Variants in HECA observed in about 807,000 individuals in gnomAD.
HECA encodes the protein headcase protein homolog.
In HECA, 13 loss-of-function variants were observed where a neutral mutation model predicts 37.6. The ratio of observed to expected loss-of-function variants is 0.35; its 90% CI spans 0.23 to 0.55. HECA has a LOEUF of 0.55. Among genes scored for constraint, HECA ranks in the 20% least tolerant of loss-of-function variants. The probability of loss-of-function intolerance (pLI) is 0.90; values close to 1 mark genes in which losing one functional copy is unlikely to be tolerated. For synonymous variants in HECA, 307 were observed against 291.5 expected (o/e 1.05, Z -0.54); for missense variants, 527 against 701.9 (o/e 0.75, Z 2.82).
chr6:139,172,977 A>C (rs1463359128), intron 2 of HECA, among the ~76,000 whole-genome samples: 1 of 152,192 alleles, frequency 6.6e-6, no homozygotes, highest in Non-Finnish European at 1.5e-5. Context: ...TTCTGTGTCT[A>C]AGGCTGCCCT....
At chr6:139,167,623 A>G (rs1774910470) in intron 2 of HECA, among the ~76,000 whole-genome samples, 1 of 152,124 alleles carries the variant, frequency 6.6e-6, no homozygotes, top group African/African-American at 2.4e-5. Flanking sequence ...GTTGTTGCAT[A>G]TTTGTCACTT....
At chr6:139,161,142 C>A (rs1774796580) in intron 1 of HECA, among the ~76,000 whole-genome samples, 1 of 152,118 alleles carries the variant, frequency 6.6e-6, no homozygotes, top group South Asian at 2.1e-4. Context: ...GAGGCCAACA[C>A]ACTTCAGCAA....
intron 2 of HECA, among the ~76,000 whole-genome samples, chr6:139,173,792 A>G (rs1010700357): frequency 6.6e-6 from 1 of 152,232 alleles, no homozygotes; most frequent in African/African-American, 2.4e-5. Flanking sequence ...GAATAATAAG[A>G]CATTGAACTT....
intron 1 of HECA, among the ~76,000 whole-genome samples, chr6:139,138,631 T>C (rs1774478656): frequency 6.6e-6 from 1 of 152,206 alleles, no homozygotes; most frequent in African/African-American, 2.4e-5. Context: ...AAATAAATAC[T>C]TATTCTGTAA....
intron 1 of HECA, among the ~76,000 whole-genome samples, chr6:139,156,744 C>T (rs547877027): frequency 6.6e-6 from 1 of 152,320 alleles, no homozygotes; most frequent in South Asian, 2.1e-4. Context: ...AGTGTGCATT[C>T]CGCATACTCT....
chr6:139,174,356 A>G, intron 2 of HECA, 29 bp from the exon 3 acceptor site: 1 of 1,591,018 alleles, frequency 6.3e-7, no homozygotes. Context: ...CATGATGGCC[A>G]CTCAGAGCCT....
rs748644903 is a variant in HECA at position 139,166,796 on chromosome 6, G to A, written c.784G>A (p.Ala262Thr). The A allele has an allele frequency of 5.0e-6, 8 of 1,613,578 alleles. No homozygotes were observed. The highest frequency in any genetic ancestry group is 6.8e-6 in the Non-Finnish European group (8 of 1,179,950). ...EKAVGAAAYGARSPGGSPGQS... is the reference protein window; with the variant it reads ...EKAVGAAAYGTRSPGGSPGQS... ...GGCAGTGGGTGCCGCAGCCTACGGT[G>A]CCCGTTCCCCCGGTGGCTCCCCGGG... The change falls in exon 2 of 4, where the codon GCC (alanine) becomes ACC (threonine). Residue 262 changes from alanine to threonine, a missense_variant. Ala to Thr is a moderately conservative substitution (Grantham distance 58). Transcript: ENST00000367658.
intron 1 of HECA, among the ~76,000 whole-genome samples, chr6:139,149,427 G>A (rs115503519): frequency 1.2e-3 from 181 of 152,280 alleles, no homozygotes; most frequent in African/African-American, 4.1e-3. Context: ...AAAGCAAATC[G>A]TTGTGCCATG....
At chr6:139,147,702 C>T (rs1774602643) in intron 1 of HECA, among the ~76,000 whole-genome samples, 1 of 152,206 alleles carries the variant, frequency 6.6e-6, no homozygotes, top group Admixed American at 6.5e-5. Context: ...GCACTTTACT[C>T]ACACATTGTA....
At position 139,174,446 on chromosome 6, in the gene HECA, C is replaced by G; in HGVS notation, c.1374C>G (p.Ile458Met). The change falls in exon 3 of 4, where the codon ATC becomes ATG. Residue 458 changes from isoleucine (I) to methionine (M), a missense_variant. Physicochemically the swap from Ile to Met is conservative, Grantham distance 10. Coordinates refer to ENST00000367658, the MANE Select transcript of HECA (RefSeq NM_016217.3). ...VDCLEGVHKI[I>M]CIKCKSRWDG... ...GCCTGGAAGGGGTTCACAAGATCATCTGCATCAAGTGTAAGTCACGGTGGG... is the reference window on the plus strand; with the variant it reads ...GCCTGGAAGGGGTTCACAAGATCATGTGCATCAAGTGTAAGTCACGGTGGG... The G allele has an allele frequency of 6.2e-7, 1 of 1,614,008 alleles. No homozygotes were observed. The highest frequency in any genetic ancestry group is 8.5e-7 in the Non-Finnish European group (1 of 1,179,990).
At chr6:139,156,212 T>G (rs1774710293) in intron 1 of HECA, among the ~76,000 whole-genome samples, 1 of 152,152 alleles carries the variant, frequency 6.6e-6, no homozygotes, top group Non-Finnish European at 1.5e-5. Flanking sequence ...TTTTTCTTTT[T>G]TTTTTCTTTG....
chr6:139,163,060 C>T (rs1428415819), intron 1 of HECA, among the ~76,000 whole-genome samples: 2 of 152,190 alleles, frequency 1.3e-5, no homozygotes, highest in East Asian at 1.9e-4. Context: ...AGCTGTTCTC[C>T]GTGAGGAGAC....
chr6:139,166,918 C>G lies in HECA; in HGVS notation c.906C>G (p.Ile302Met). The G allele has an allele frequency of 6.2e-7, 1 of 1,614,110 alleles. No homozygotes were observed. Among genetic ancestry groups the G allele is most frequent in the Non-Finnish European group, 8.5e-7 (1 of 1,180,014 alleles). ...RYLGEFLKNA[I>M]HLEPHKKAMA... is the part of the protein sequence containing the mutation. ...TCGGGGAGTTCTTAAAGAACGCCAT[C>G]CATCTGGAGCCTCACAAGAAGGCCA... Residue 302 changes from isoleucine (I) to methionine (M), a missense_variant, in exon 2 of 4, where the codon ATC (isoleucine) becomes ATG (methionine). Ile to Met is a conservative substitution (Grantham distance 10, BLOSUM62 1). Transcript: ENST00000367658.
At position 139,167,226 on chromosome 6, in the gene HECA, T is replaced by G. The variant is rs1774903806; in HGVS notation, c.1214T>G (p.Leu405Arg). Residue 405 changes from leucine to arginine, a missense_variant, in exon 2 of 4, where the codon CTC becomes CGC. This residue lies in a region of HECA where 106 missense variants were observed against 193.4 expected (regional missense o/e 0.55). Coordinates refer to ENST00000367658, the MANE Select transcript of HECA (RefSeq NM_016217.3). ...AACTGTGCCCTGTGCCACCGGGCGC[T>G]CCCGGTGTTCGAACAGTTCCCACTG... is the stretch of plus-strand genomic sequence containing the variant. ...VVNCALCHRA[L>R]PVFEQFPLVD... 6.2e-7 allele frequency: 1 copy of G among 1,614,020 alleles called. No individual in the cohort carries two copies. The highest frequency in any genetic ancestry group is 1.7e-5 in the Admixed American group (1 of 60,004).
Position 139,180,040 on chromosome 6 carries a change from C to T in HECA, c.*2935C>T, listed in dbSNP as rs1047260008. 3 of 152,266 alleles carry T rather than the reference C, an allele frequency of 2.0e-5. No homozygotes were observed. Among genetic ancestry groups the T allele is most frequent in the Non-Finnish European group, 2.9e-5 (2 of 68,012 alleles). 9.4% of individuals were successfully genotyped at this position (152,266 alleles called of 1,614,324 possible). A position where few individuals can be genotyped will look rare whatever the true frequency, so the allele number is the denominator to read the frequency against. ...ATCTCACCTCTTCATTCTCTTGTTA[C>T]ATTTGAAGCAGTTGATATAATGGGT... is the stretch of plus-strand genomic sequence containing the variant. On this transcript the variant is annotated 3_prime_UTR_variant, in exon 4 of 4. Transcript: ENST00000367658.
At chr6:139,157,067 C>T (rs553421462) in intron 1 of HECA, among the ~76,000 whole-genome samples, 1 of 152,316 alleles carries the variant, frequency 6.6e-6, no homozygotes, top group East Asian at 1.9e-4. Context: ...GCTGGTTGCC[C>T]ACTTTATGGT....
chr6:139,151,814 A>G (rs1582938701), intron 1 of HECA, among the ~76,000 whole-genome samples: 1 of 152,222 alleles, frequency 6.6e-6, no homozygotes, highest in East Asian at 1.9e-4. Flanking sequence ...TCAATTGTAG[A>G]ACTACATACT....
Position 139,135,423 on chromosome 6 carries a change from C to A in HECA, c.27C>A (p.Gly9=). The A allele has an allele frequency of 7.2e-7, 1 of 1,383,774 alleles. No homozygotes were observed. The highest frequency in any genetic ancestry group is 9.5e-7 in the Non-Finnish European group (1 of 1,047,978). The allele number at this position is 1,383,774 out of a possible 1,614,324, so 85.7% of individuals were successfully genotyped here. A position where few individuals can be genotyped will look rare whatever the true frequency, so the allele number is the denominator to read the frequency against. The stretch of plus-strand genomic sequence containing the variant: ...TGCCCAACCCCAAAAACAGCAAAGG[C>A]GGCCGCAAAAACAAGCGCGCCAACA... MPNPKNSK[G]GRKNKRANSS... is the part of the protein sequence containing the mutation. The change falls in exon 1 of 4, where the codon GGC becomes GGA. Residue 9 remains glycine, a synonymous_variant. Transcript: ENST00000367658.
chr6:139,136,569 A>G (rs1774448184), intron 1 of HECA, among the ~76,000 whole-genome samples: 1 of 151,592 alleles, frequency 6.6e-6, no homozygotes, highest in Admixed American at 6.6e-5. Flanking sequence ...TTGAATTGTT[A>G]TATCTGGCTT....
Sources: allele counts gnomAD v4.1 joint callset (sites outside exome capture counted in the v4.1 genomes callset), GRCh38; gene constraint gnomAD v4.1.1; regional missense constraint gnomAD v4.1.1; transcripts MANE v1.5; gene names NCBI Gene and HGNC (gene_info 2026-07-23, HGNC 2026-07-21).